Variants in LHPP observed in about 807,000 individuals in gnomAD.
The protein encoded by LHPP is hLHPP.
Under a neutral mutation model 30.3 loss-of-function variants are expected in LHPP, and 24 were observed. That is an observed-to-expected ratio of 0.79 (90% CI 0.57 to 1.11). The LOEUF (loss-of-function observed/expected upper bound fraction) is 1.11. LHPP is among the 50% of genes most tolerant of loss of function. LHPP has a pLI of 0.00. For synonymous variants in LHPP, 150 were observed against 157.1 expected (o/e 0.95, Z 0.34); for missense variants, 356 against 367.2 (o/e 0.97, Z 0.25).
At chr10:124,556,930 T>G (rs941985338) in intron 6 of LHPP, among the ~76,000 whole-genome samples, 2 of 152,342 alleles carry the variant, frequency 1.3e-5, no homozygotes, top group Middle Eastern at 6.8e-3. Flanking sequence ...CTGTGGTTCA[T>G]TTATTCTCTG....
intron 6 of LHPP, among the ~76,000 whole-genome samples, chr10:124,548,543 C>T (rs566291910): frequency 3.4e-4 from 52 of 152,286 alleles, no homozygotes; most frequent in African/African-American, 1.1e-3. Flanking sequence ...CCTCCTACCT[C>T]GGGGCCCCCA....
rs751481302 is a variant in LHPP, at chr10:124,498,045, G to A, written c.541G>A (p.Gly181Ser). Residue 181 changes from glycine to serine, a missense_variant, in exon 5 of 7, where the codon GGC becomes AGC. By Grantham distance (56) the Gly-to-Ser change is moderately conservative (BLOSUM62 0). Transcript: ENST00000368842. ...CTCTCTCTTTTCCCAGTATGCCTGT[G>A]GCATCAAAGCCGAGGTGGTGGGGAA... ...PYMKALEYAC[G>S]IKAEVVGKPS... 3 of 1,613,864 alleles carry A rather than the reference G, an allele frequency of 1.9e-6. No individual in the cohort carries two copies. Among genetic ancestry groups the A allele is most frequent in the Non-Finnish European group, 2.5e-6 (3 of 1,179,750 alleles).
At chr10:124,474,954 G>T (rs1379533764) in intron 1 of LHPP, among the ~76,000 whole-genome samples, 1 of 151,798 alleles carries the variant, frequency 6.6e-6, no homozygotes, top group Non-Finnish European at 1.5e-5. Context: ...TGTCAGAGAC[G>T]TGGTTGTCAT....
At chr10:124,495,830 G>A (rs1199531373) in intron 3 of LHPP, among the ~76,000 whole-genome samples, 3 of 152,140 alleles carry the variant, frequency 2.0e-5, no homozygotes, top group African/African-American at 2.4e-5. Context: ...CTTTGCATGC[G>A]TTATTTTGTT....
At chr10:124,561,310 A>G (rs942474992) in intron 6 of LHPP, among the ~76,000 whole-genome samples, 2 of 152,174 alleles carry the variant, frequency 1.3e-5, no homozygotes, top group East Asian at 3.9e-4. Context: ...GGCTGAAATG[A>G]GCCCCTACCA....
intron 6 of LHPP, among the ~76,000 whole-genome samples, chr10:124,588,854 A>G (rs1012841852): frequency 6.6e-6 from 1 of 152,072 alleles, no homozygotes; most frequent in African/African-American, 2.4e-5. Flanking sequence ...TGGAGAGGGC[A>G]CTGGCCCACC....
At chr10:124,515,933 C>G (rs993430203) in intron 5 of LHPP, among the ~76,000 whole-genome samples, 2 of 152,222 alleles carry the variant, frequency 1.3e-5, no homozygotes, top group East Asian at 3.9e-4. Context: ...GGGGACCCTC[C>G]ACGATCTCCA....
At chr10:124,570,861 T>C (rs1948574822) in intron 6 of LHPP, among the ~76,000 whole-genome samples, 5 of 152,248 alleles carry the variant, frequency 3.3e-5, no homozygotes, top group Admixed American at 3.3e-4. Flanking sequence ...TTTGTTGATC[T>C]GTTATCAGCT....
At chr10:124,575,867 G>A (rs900152645) in intron 6 of LHPP, among the ~76,000 whole-genome samples, 12 of 152,348 alleles carry the variant, frequency 7.9e-5, no homozygotes, top group African/African-American at 2.9e-4. Flanking sequence ...CGTGTTGGGT[G>A]TGCGAGGTCG....
chr10:124,601,561 C>T (rs1235232761), intron 6 of LHPP, among the ~76,000 whole-genome samples: 1 of 152,240 alleles, frequency 6.6e-6, no homozygotes, highest in Non-Finnish European at 1.5e-5. Flanking sequence ...CAGTCCCTCT[C>T]AGTGCGTCCC....
At position 124,592,188 on chromosome 10, in the gene LHPP, T is replaced by C. The variant is rs569407268; in HGVS notation, c.717-21076T>C. 4.5e-4 allele frequency among the ~76,000 whole-genome samples: 68 copies of C among 152,188 alleles called. No individual in the cohort carries two copies. Among genetic ancestry groups the C allele is most frequent in the African/African-American group, 1.6e-3 (68 of 41,516 alleles). On this transcript the variant is annotated intron_variant, in intron 6 of 6. Transcript: ENST00000368842. This position sits in a 1 kb window ranked among gnomAD's most constrained non-coding sequence, Gnocchi z 6.2. ...TGGCCTGTGACTAGGTGAGGGACAGTGCGGGGTGGCCTGCCTGCATATGCC... is the reference window on the plus strand; with the variant it reads ...TGGCCTGTGACTAGGTGAGGGACAGCGCGGGGTGGCCTGCCTGCATATGCC...
At chr10:124,484,399 G>C (rs1953252421) in intron 2 of LHPP, 73 bp downstream of exon 2, 1 of 1,443,656 alleles carries the variant, frequency 6.9e-7, no homozygotes, top group Non-Finnish European at 9.5e-7. Context: ...TGTGCAGAGA[G>C]CCTCTTTCAC....
In LHPP at chr10:124,613,681, C is replaced by T; in HGVS notation, c.*321C>T. On this transcript the variant is annotated 3_prime_UTR_variant, in exon 7 of 7. Coordinates refer to ENST00000368842, the MANE Select transcript of LHPP (RefSeq NM_022126.4). ...ACAGGCCTGTCAGGCCTCTGGGAAT[C>T]TCCCAAATCCCAGAACTCACCACTC... is the stretch of plus-strand genomic sequence containing the variant. 6.9e-6 allele frequency: 3 copies of T among 436,532 alleles called. No homozygotes were observed. Among genetic ancestry groups the T allele is most frequent in the Admixed American group, 3.6e-5 (1 of 27,844 alleles). 27.0% of individuals were successfully genotyped at this position (436,532 alleles called of 1,614,324 possible). A position where few individuals can be genotyped will look rare whatever the true frequency, so the allele number is the denominator to read the frequency against.
chr10:124,611,344 C>T (rs1564853515), intron 6 of LHPP, among the ~76,000 whole-genome samples: 1 of 152,090 alleles, frequency 6.6e-6, no homozygotes, highest in Non-Finnish European at 1.5e-5. Context: ...GTCTCTGAAC[C>T]TTTCTGAGCT....
At chr10:124,526,174 CA>C in intron 6 of LHPP, 1 of 985,380 alleles carries the variant, frequency 1.0e-6, no homozygotes, top group Non-Finnish European at 1.2e-6. Context: ...TGTTGCAAGG[CA>C]CGTGCTCTGG....
At chr10:124,584,306 A>G (rs34625822) in intron 6 of LHPP, among the ~76,000 whole-genome samples, 20,026 of 151,124 alleles carry the variant, frequency 0.13, 1,787 homozygotes, top group Non-Finnish European at 0.2. Context: ...TCAAGGCAGC[A>G]GTGAACCATG....
intron 6 of LHPP, among the ~76,000 whole-genome samples, chr10:124,524,086 G>A (rs981297044): frequency 2.0e-5 from 3 of 151,894 alleles, no homozygotes; most frequent in Non-Finnish European, 4.4e-5. Flanking sequence ...TCACTCCCAC[G>A]CTGTATAACT....
At position 124,497,095 on chromosome 10, in the gene LHPP, G is replaced by C. The variant is rs972809475; in HGVS notation, c.531+71G>C. On this transcript the variant is annotated intron_variant, in intron 4 of 6. Transcript: ENST00000368842. ...ACCTGGGACTTTTTGGGTCTTTGTTGAGAAGAGGCTGTGCTTAATTAACGT... is the reference window on the plus strand; with the variant it reads ...ACCTGGGACTTTTTGGGTCTTTGTTCAGAAGAGGCTGTGCTTAATTAACGT... 9.8e-6 allele frequency: 12 copies of C among 1,219,226 alleles called. No individual in the cohort carries two copies. The Admixed American group carries it at 2.1e-4, about 21-fold the overall frequency. The allele number at this position is 1,219,226 out of a possible 1,614,324, so 75.5% of individuals were successfully genotyped here. A position where few individuals can be genotyped will look rare whatever the true frequency, so the allele number is the denominator to read the frequency against.
chr10:124,561,536 A>C (rs953994091), intron 6 of LHPP, among the ~76,000 whole-genome samples: 2 of 151,656 alleles, frequency 1.3e-5, no homozygotes, highest in Non-Finnish European at 1.5e-5. Flanking sequence ...CGCCCCCCCC[A>C]CAACAGTGAC....
Sources: gnomAD v4.1 joint callset for allele counts (sites outside exome capture counted in the v4.1 genomes callset) on GRCh38, gnomAD v4.1.1 for gene constraint, Gnocchi (gnomAD v3.1) non-coding constraint, MANE v1.5 for transcripts, NCBI Gene and HGNC (gene_info 2026-07-23, HGNC 2026-07-21) for gene names.